NCOR2: variants seen among roughly 807,000 people sequenced by gnomAD.
NCOR2 encodes the protein CTG repeat protein 26.
NCOR2 carries 81 observed loss-of-function variants against 262.9 expected under a neutral mutation model. The observed-to-expected ratio is 0.31, with a 90% CI of 0.26 to 0.37. The LOEUF is 0.37. Among genes scored for constraint, NCOR2 ranks in the 10% least tolerant of loss-of-function variants. The pLI is 1.00. For missense variants in NCOR2, 3,385 were observed against 3,621.4 expected, an observed-to-expected ratio of 0.93 and a Z score of 1.68; for synonymous variants, 1,659 against 1,559.3, an observed-to-expected ratio of 1.06 and a Z score of -1.51.
chr12:124,355,352 C>A, intron 24 of NCOR2, 80 bp downstream of exon 26: 4 of 1,532,870 alleles, frequency 2.6e-6, no homozygotes, highest in Non-Finnish European at 3.5e-6. Context: ...CTGGCCCCCA[C>A]TCAGACTTCA....
At chr12:124,383,454 C>A in intron 17 of NCOR2, 2 of 800,208 alleles carry the variant, frequency 2.5e-6, no homozygotes, top group Non-Finnish European at 3.3e-6. Flanking sequence ...CAACAGGGTG[C>A]CTTAAGCATG....
rs1257578997 is a variant in NCOR2, at chr12:124,531,986, G to A, written c.-118+3579C>T. ...CCACAGCCCCCTTCTAAGGTCCTAG[G>A]TCCGCAGGGAAGAGTGTACCGCTGG... On this transcript the variant is annotated intron_variant, in intron 1 of 46. Coordinates refer to the NCOR2 transcript ENST00000404621. This position sits in a 1 kb window ranked among gnomAD's most constrained non-coding sequence, Gnocchi z 4.5. Among the ~76,000 whole-genome samples, 1 of 152,046 alleles carries A rather than the reference G, an allele frequency of 6.6e-6. No individual in the cohort carries two copies. Among genetic ancestry groups the A allele is most frequent in the Non-Finnish European group, 1.5e-5 (1 of 68,004 alleles).
chr12:124,399,467 A>C (rs2136191108), intron 15 of NCOR2, among the ~76,000 whole-genome samples: 1 of 152,286 alleles, frequency 6.6e-6, no homozygotes, highest in Non-Finnish European at 1.5e-5. Flanking sequence ...CGCCACCAAG[A>C]GGCAGCTGGA....
intron 1 of NCOR2, among the ~76,000 whole-genome samples, chr12:124,519,531 A>T (rs1282434487): frequency 6.6e-6 from 1 of 152,142 alleles, no homozygotes; most frequent in Non-Finnish European, 1.5e-5. Flanking sequence ...GTCAAAGCAG[A>T]GAGAAGGCTG....
chr12:124,478,318 T>C (rs2047218885), intron 3 of NCOR2, among the ~76,000 whole-genome samples: 1 of 152,220 alleles, frequency 6.6e-6, no homozygotes, highest in Admixed American at 6.5e-5. Flanking sequence ...TTATATTTGA[T>C]AGGGGCTGTC....
intron 5 of NCOR2, 126 bp downstream of exon 7, chr12:124,466,046 TG>T (rs2046399941): frequency 2.2e-6 from 2 of 918,198 alleles, no homozygotes; most frequent in Non-Finnish European, 3.3e-6. Flanking sequence ...CCTGCGTCTC[TG>T]GGGGAGAGGG....
chr12:124,414,117 G>A (rs758885643), intron 13 of NCOR2, among the ~76,000 whole-genome samples: 50 of 152,212 alleles, frequency 3.3e-4, no homozygotes, highest in Non-Finnish European at 6.3e-4. Context: ...CCTACCTGGC[G>A]GATCAGGGCT....
At chr12:124,325,387 C>A (rs1299843483) in exon 47 of NCOR2, 1 of 655,992 alleles carries the variant, frequency 1.5e-6, no homozygotes, top group Non-Finnish European at 2.1e-6. Flanking sequence ...GCCCCCCCCC[C>A]CGCCCTGTTC....
chr12:124,520,558 C>T (rs1427756451), intron 1 of NCOR2, among the ~76,000 whole-genome samples: 5 of 152,292 alleles, frequency 3.3e-5, no homozygotes, highest in African/African-American at 7.2e-5. Context: ...TGTCTCTTCA[C>T]GGCCACTCGT....
intron 20 of NCOR2, among the ~76,000 whole-genome samples, chr12:124,367,969 A>G (rs926297613): frequency 2.0e-5 from 3 of 151,934 alleles, no homozygotes; most frequent in Admixed American, 1.3e-4. Context: ...AGCCACTTCT[A>G]TTTTCCTTTC....
exon 41 of NCOR2, chr12:124,334,481 G>T: frequency 6.9e-7 from 1 of 1,459,748 alleles, no homozygotes; most frequent in East Asian, 2.7e-5. Flanking sequence ...GTCCGGGGGC[G>T]GGAGGTAGAG....
chr12:124,564,512 C>G (rs1467832715), intron 1 of NCOR2, among the ~76,000 whole-genome samples: 1 of 147,406 alleles, frequency 6.8e-6, no homozygotes, highest in African/African-American at 2.5e-5. Flanking sequence ...AAGCTCTCAA[C>G]CCCCGCCACC....
chr12:124,347,979 C>T, intron 29 of NCOR2, 68 bp from the exon 32 acceptor site: 2 of 1,504,686 alleles, frequency 1.3e-6, no homozygotes, highest in Non-Finnish European at 1.8e-6. Context: ...TGACAGGGGT[C>T]AGTGTTTACA....
intron 22 of NCOR2, 150 bp downstream of exon 24, chr12:124,361,976 C>A (rs2038624281): frequency 1.5e-6 from 1 of 680,908 alleles, no homozygotes; most frequent in Non-Finnish European, 2.1e-6. Context: ...TCCCAACTGC[C>A]TCCCCCTGCT....
At chr12:124,380,833 C>T (rs2040361242) in intron 17 of NCOR2, among the ~76,000 whole-genome samples, 1 of 152,016 alleles carries the variant, frequency 6.6e-6, no homozygotes, top group African/African-American at 2.4e-5. Flanking sequence ...GTGCCAACAC[C>T]CTGAATCCCC....
chr12:124,420,982 C>T (rs2043169759), intron 12 of NCOR2, among the ~76,000 whole-genome samples: 3 of 152,270 alleles, frequency 2.0e-5, no homozygotes, highest in Non-Finnish European at 4.4e-5. Flanking sequence ...ACATGGCAAT[C>T]GAGAAAGACG....
intron 1 of NCOR2, among the ~76,000 whole-genome samples, chr12:124,534,094 G>C (rs1008610133): frequency 1.3e-5 from 2 of 152,092 alleles, no homozygotes; most frequent in Non-Finnish European, 2.9e-5. Context: ...CGTGTGGCTG[G>C]ACTGACTCCC....
intron 1 of NCOR2, among the ~76,000 whole-genome samples, chr12:124,507,206 A>T (rs2049095691): frequency 6.6e-6 from 1 of 152,154 alleles, no homozygotes; most frequent in African/African-American, 2.4e-5. Context: ...AGAGCGAGGA[A>T]GGGGGAGTTA....
intron 32 of NCOR2, among the ~76,000 whole-genome samples, 200 bp from the exon 35 acceptor site, chr12:124,343,426 T>C (rs961338440): frequency 2.3e-4 from 35 of 152,218 alleles, no homozygotes; most frequent in Admixed American, 2.3e-3. Flanking sequence ...CTTTCATCCA[T>C]TCACTCACTC....
Sources: gnomAD v4.1 joint callset for allele counts (sites outside exome capture counted in the v4.1 genomes callset) on GRCh38, gnomAD v4.1.1 for gene constraint, Gnocchi (gnomAD v3.1) non-coding constraint, MANE v1.5 for transcripts, NCBI Gene and HGNC (gene_info 2026-07-23, HGNC 2026-07-21) for gene names.